The following NR2F1-AS1 variants were observed in gnomAD, a reference collection of about 807,000 sequenced individuals.
The protein encoded by NR2F1-AS1 is NR2F1 antisense RNA 1.
At chr5:93,456,766 A>G (rs1166441803) in intron 4 of NR2F1-AS1, among the ~76,000 whole-genome samples, 2 of 151,990 alleles carry the variant, frequency 1.3e-5, no homozygotes, top group Admixed American at 6.6e-5. Context: ...GTATTTATTC[A>G]TTAGTATCTC....
chr5:93,480,027 T>G (rs1750568166), intron 4 of NR2F1-AS1, among the ~76,000 whole-genome samples: 3 of 152,052 alleles, frequency 2.0e-5, no homozygotes, highest in African/African-American at 7.2e-5. Flanking sequence ...AAACAGAGTC[T>G]ACAGGACTTA....
chr5:93,504,985 G>A (rs892005496), intron 4 of NR2F1-AS1, among the ~76,000 whole-genome samples: 7 of 152,088 alleles, frequency 4.6e-5, no homozygotes, highest in Admixed American at 2.6e-4. Flanking sequence ...GTCCACAGTC[G>A]AAAGTCTCAT....
intron 4 of NR2F1-AS1, chr5:93,496,086 A>C (rs758526099): frequency 3.3e-5 from 5 of 152,192 alleles, no homozygotes; most frequent in Non-Finnish European, 7.4e-5. Flanking sequence ...TATTCTTCCA[A>C]TATCATTGTT....
chr5:93,446,758 CAAAAGAACAAA>C (rs1749718682), intron 4 of NR2F1-AS1, among the ~76,000 whole-genome samples: 1 of 152,006 alleles, frequency 6.6e-6, no homozygotes, highest in Non-Finnish European at 1.5e-5. Context: ...AATCCTAAGC[CAAAAGAACAAA>C]GCTGGAGACA....
At chr5:93,416,785 GT>G (rs1220947779) in intron 4 of NR2F1-AS1, among the ~76,000 whole-genome samples, 2 of 151,874 alleles carry the variant, frequency 1.3e-5, no homozygotes, top group Non-Finnish European at 2.9e-5. Context: ...AAACTGCTAG[GT>G]TTTTTTCTTC....
At chr5:93,416,714 C>A (rs572405647) in intron 4 of NR2F1-AS1, among the ~76,000 whole-genome samples, 1 of 152,244 alleles carries the variant, frequency 6.6e-6, no homozygotes, top group South Asian at 2.1e-4. Context: ...ACTAAGCGGT[C>A]GAACTCCTTC....
intron 4 of NR2F1-AS1, among the ~76,000 whole-genome samples, chr5:93,520,524 C>T (rs1015249473): frequency 6.6e-6 from 1 of 152,050 alleles, no homozygotes; most frequent in African/African-American, 2.4e-5. Context: ...ACAGGTTTTA[C>T]TGAATGAAGA....
intron 4 of NR2F1-AS1, among the ~76,000 whole-genome samples, chr5:93,522,230 G>C (rs187856999): frequency 6.6e-6 from 1 of 152,140 alleles, no homozygotes; most frequent in Admixed American, 6.6e-5. Context: ...AGGAGTGAGA[G>C]AGGCAGAAAA....
intron 4 of NR2F1-AS1, among the ~76,000 whole-genome samples, chr5:93,431,337 G>A (rs1749317750): frequency 6.6e-6 from 1 of 152,104 alleles, no homozygotes; most frequent in Non-Finnish European, 1.5e-5. Context: ...TCACCAAACT[G>A]TTTTATATCT....
At chr5:93,537,584 G>A (rs966196277) in intron 4 of NR2F1-AS1, among the ~76,000 whole-genome samples, 2 of 152,138 alleles carry the variant, frequency 1.3e-5, no homozygotes, top group African/African-American at 2.4e-5. Flanking sequence ...GTAGGGAAAT[G>A]CATATCAAAA....
At position 93,527,756 on chromosome 5, in the gene NR2F1-AS1, C is replaced by G. The variant is rs927537778; in HGVS notation, n.638+26005G>C. Among the ~76,000 whole-genome samples, 67 of 152,178 alleles carry G rather than the reference C, an allele frequency of 4.4e-4. 1 individual carries two copies. Among genetic ancestry groups the G allele is most frequent in the Non-Finnish European group, 1.3e-4 (9 of 68,020 alleles). On this transcript the variant is annotated intron_variant and non_coding_transcript_variant, in intron 4 of 5. Coordinates refer to ENST00000660523, the Ensembl canonical transcript of NR2F1-AS1. Reference sequence around the variant, plus strand: ...AAACAAGCAATGGGGAAAGGACTCCCTATTTAATAAATGGTGTTGGGAAAA... The same window carrying G: ...AAACAAGCAATGGGGAAAGGACTCCGTATTTAATAAATGGTGTTGGGAAAA...
intron 4 of NR2F1-AS1, among the ~76,000 whole-genome samples, chr5:93,479,396 C>CT (rs1264010892): frequency 6.6e-6 from 1 of 152,192 alleles, no homozygotes; most frequent in Admixed American, 6.5e-5. Flanking sequence ...AGAAAAATCT[C>CT]TGTCAGTGTG....
chr5:93,449,900 C>T (rs773545495), intron 4 of NR2F1-AS1, among the ~76,000 whole-genome samples: 2 of 152,090 alleles, frequency 1.3e-5, no homozygotes, highest in Non-Finnish European at 2.9e-5. Context: ...TATGACTTAT[C>T]CCTGTTTGAC....
At chr5:93,553,970 T>C (rs868738763) in intron 3 of NR2F1-AS1, 1 of 152,202 alleles carries the variant, frequency 6.6e-6, no homozygotes, top group South Asian at 2.1e-4. Context: ...TCTGATAAAC[T>C]TTTAAAAAGT....
intron 4 of NR2F1-AS1, among the ~76,000 whole-genome samples, chr5:93,537,905 AT>A (rs1751871930): frequency 6.6e-6 from 1 of 152,112 alleles, no homozygotes; most frequent in Non-Finnish European, 1.5e-5. Flanking sequence ...GAATTTGCAC[AT>A]TTTACTCATG....
intron 4 of NR2F1-AS1, among the ~76,000 whole-genome samples, chr5:93,465,993 C>G (rs1379330656): frequency 1.3e-5 from 2 of 151,850 alleles, no homozygotes; most frequent in Non-Finnish European, 2.9e-5. Flanking sequence ...TTGATGGGTG[C>G]AGCAAACCAA....
chr5:93,492,870 T>C (rs976576527), intron 4 of NR2F1-AS1, among the ~76,000 whole-genome samples: 6 of 149,104 alleles, frequency 4.0e-5, no homozygotes, highest in Non-Finnish European at 3.0e-5. Context: ...ACTCACAAAC[T>C]AGGAGAGAAA....
intron 4 of NR2F1-AS1, chr5:93,543,120 C>A (rs558853887): frequency 6.6e-6 from 1 of 152,164 alleles, no homozygotes; most frequent in African/African-American, 2.4e-5. Context: ...CCAAGATCCT[C>A]GGCAAAAGCA....
chr5:93,572,034 G>A (rs1375997175), intron 1 of NR2F1-AS1, among the ~76,000 whole-genome samples: 1 of 152,176 alleles, frequency 6.6e-6, no homozygotes, highest in African/African-American at 2.4e-5. Context: ...TCTGGGGTGG[G>A]ATAGTGCGCA....
Sources: allele counts gnomAD v4.1 joint callset (sites outside exome capture counted in the v4.1 genomes callset), GRCh38; gene constraint gnomAD v4.1.1; transcripts MANE v1.5; gene names NCBI Gene and HGNC (gene_info 2026-07-23, HGNC 2026-07-21).